The following UBE2E2 variants were observed in gnomAD, a reference collection of about 807,000 sequenced individuals.
UBE2E2 encodes the protein ubiquitin-conjugating enzyme E2 E2.
UBE2E2 carries 6 observed loss-of-function variants against 24.7 expected under a neutral mutation model. The observed-to-expected ratio is 0.24, with a 90% CI of 0.13 to 0.48. The LOEUF (loss-of-function observed/expected upper bound fraction) is 0.48. UBE2E2 is among the 20% of genes least tolerant of loss of function. The pLI, the probability that UBE2E2 is intolerant of heterozygous loss-of-function variation, is 0.99. For synonymous variants in UBE2E2, 104 were observed against 83.6 expected (o/e 1.24, Z -1.33); for missense variants, 169 against 245.0 (o/e 0.69, Z 2.07).
chr3:23,478,185 GTATT>G (rs1194155972), intron 3 of UBE2E2, among the ~76,000 whole-genome samples: 2 of 152,228 alleles, frequency 1.3e-5, no homozygotes, highest in Non-Finnish European at 2.9e-5. Context: ...TGTTGTTCTA[GTATT>G]TATTATGTGG....
intron 3 of UBE2E2, among the ~76,000 whole-genome samples, chr3:23,305,178 C>T (rs1344021515): frequency 6.6e-6 from 1 of 152,086 alleles, no homozygotes; most frequent in Non-Finnish European, 1.5e-5. Flanking sequence ...AAGTCTTGTT[C>T]AGTCATTATT....
chr3:23,339,671 G>A (rs1370845352), intron 3 of UBE2E2, among the ~76,000 whole-genome samples: 1 of 151,602 alleles, frequency 6.6e-6, no homozygotes, highest in Non-Finnish European at 1.5e-5. Flanking sequence ...ATTATGTTAT[G>A]TTTAAATTTT....
chr3:23,479,544 G>A (rs115373720), intron 3 of UBE2E2, among the ~76,000 whole-genome samples: 4,550 of 152,180 alleles, frequency 0.03, 110 homozygotes, highest in East Asian at 0.13. Flanking sequence ...TGGGGGGTAG[G>A]GGGGGTATGT....
intron 3 of UBE2E2, among the ~76,000 whole-genome samples, chr3:23,362,032 G>A (rs1559361793): frequency 2.6e-5 from 4 of 152,098 alleles, no homozygotes. Context: ...TCCTTAAAAC[G>A]AATTCACTTT....
In UBE2E2 at chr3:23,237,406, A is replaced by G. The variant is rs146489709; in HGVS notation, c.227+20094A>G. 5.0e-3 allele frequency among the ~76,000 whole-genome samples: 761 copies of G among 152,306 alleles called. 15 individuals are homozygous for G. The highest frequency in any genetic ancestry group is 5.6e-3 in the Non-Finnish European group (379 of 68,024). ...TTTCTCTAAAATGGTAAGCATACAT[A>G]TAAGTATCTTGTTACTTGTGTGTGA... On this transcript the variant is annotated intron_variant, in intron 3 of 5. Coordinates refer to ENST00000396703, the MANE Select transcript of UBE2E2 (RefSeq NM_152653.4).
chr3:23,317,842 A>G (rs1306048748), intron 3 of UBE2E2, among the ~76,000 whole-genome samples: 1 of 151,906 alleles, frequency 6.6e-6, no homozygotes, highest in Non-Finnish European at 1.5e-5. Flanking sequence ...GATGTCTGCA[A>G]TTCAAGACCC....
At chr3:23,447,584 C>T (rs148719776) in intron 3 of UBE2E2, among the ~76,000 whole-genome samples, 1 of 152,256 alleles carries the variant, frequency 6.6e-6, no homozygotes, top group Non-Finnish European at 1.5e-5. Context: ...TGTGGAAAAA[C>T]AATTATCTCT....
At chr3:23,270,497 A>G (rs979367124) in intron 3 of UBE2E2, among the ~76,000 whole-genome samples, 2 of 152,094 alleles carry the variant, frequency 1.3e-5, no homozygotes. Context: ...CTCACAGATA[A>G]ACCCTGGGGC....
Position 23,261,406 on chromosome 3 carries a change from C to T in UBE2E2, c.227+44094C>T, listed in dbSNP as rs188705986. Among the ~76,000 whole-genome samples, 493 of 152,044 alleles carry T rather than the reference C, an allele frequency of 3.2e-3. 1 individual carries two copies. Among genetic ancestry groups the T allele is most frequent in the Non-Finnish European group, 5.8e-3 (393 of 67,990 alleles). ...TACATGTTTATATTGTGAAACTTAC[C>T]GTAACCAAGTTAGCTAACACGTGTA... On this transcript the variant is annotated intron_variant, in intron 3 of 5. Coordinates refer to ENST00000396703, the MANE Select transcript of UBE2E2 (RefSeq NM_152653.4).
chr3:23,433,720 G>A (rs1157848571), intron 3 of UBE2E2, among the ~76,000 whole-genome samples: 1 of 151,676 alleles, frequency 6.6e-6, no homozygotes, highest in East Asian at 1.9e-4. Flanking sequence ...TATGGCCTAA[G>A]AGAAAGACAA....
chr3:23,366,303 T>C (rs1250143172), intron 3 of UBE2E2, among the ~76,000 whole-genome samples: 1 of 152,156 alleles, frequency 6.6e-6, no homozygotes, highest in Non-Finnish European at 1.5e-5. Flanking sequence ...CAGCAATCCC[T>C]TTATTGGGTA....
At chr3:23,371,104 A>T (rs1696388254) in intron 3 of UBE2E2, among the ~76,000 whole-genome samples, 1 of 152,170 alleles carries the variant, frequency 6.6e-6, no homozygotes, top group South Asian at 2.1e-4. Context: ...ATCATGGCTC[A>T]CTGCAGCCTA....
intron 3 of UBE2E2, among the ~76,000 whole-genome samples, chr3:23,289,620 C>T (rs1455471307): frequency 1.3e-5 from 2 of 152,218 alleles, no homozygotes; most frequent in African/African-American, 2.4e-5. Context: ...GAGTGCATTT[C>T]TAGATCCTTA....
intron 3 of UBE2E2, among the ~76,000 whole-genome samples, chr3:23,329,618 C>T (rs911639070): frequency 3.9e-5 from 6 of 152,224 alleles, no homozygotes; most frequent in African/African-American, 1.2e-4. Context: ...TAATTGGAGC[C>T]GGTGGCTCAG....
chr3:23,205,207 G>A (rs1050626136), intron 1 of UBE2E2, among the ~76,000 whole-genome samples: 1 of 152,184 alleles, frequency 6.6e-6, no homozygotes, highest in Non-Finnish European at 1.5e-5. Flanking sequence ...TTTGAGTTAT[G>A]AAGTAAGCGT....
At chr3:23,574,211 T>A (rs566943688) in intron 5 of UBE2E2, among the ~76,000 whole-genome samples, 15 of 152,162 alleles carry the variant, frequency 9.9e-5, no homozygotes, top group African/African-American at 3.6e-4. Context: ...AGAAGAATGG[T>A]TACCAGAGGC....
At chr3:23,419,191 C>T (rs531462123) in intron 3 of UBE2E2, among the ~76,000 whole-genome samples, 10 of 152,134 alleles carry the variant, frequency 6.6e-5, no homozygotes, top group South Asian at 2.1e-4. Context: ...TCTTAAGCTT[C>T]CTCCTGGCCT....
chr3:23,499,557 C>A, intron 3 of UBE2E2, 51 bp from the exon 4 acceptor site: 1 of 1,567,248 alleles, frequency 6.4e-7, no homozygotes, highest in South Asian at 1.2e-5. Flanking sequence ...TTGTTAAATT[C>A]CAGCCTTTAT....
At chr3:23,239,808 T>C (rs536674235) in intron 3 of UBE2E2, among the ~76,000 whole-genome samples, 3 of 152,304 alleles carry the variant, frequency 2.0e-5, no homozygotes, top group African/African-American at 7.2e-5. Context: ...TGCTTGATGA[T>C]TTGGACTTTG....
Sources: allele counts gnomAD v4.1 joint callset (sites outside exome capture counted in the v4.1 genomes callset), GRCh38; gene constraint gnomAD v4.1.1; transcripts MANE v1.5; gene names NCBI Gene and HGNC (gene_info 2026-07-23, HGNC 2026-07-21).